Variants in FTO observed in about 807,000 individuals in gnomAD.
The protein encoded by FTO is alpha-ketoglutarate-dependent dioxygenase FTO.
In FTO, 47 loss-of-function variants were observed where a neutral mutation model predicts 63.9. The observed-to-expected ratio is 0.74, with a 90% CI of 0.58 to 0.94. The LOEUF is 0.94. Ranked by LOEUF, FTO falls within the 40% of genes least tolerant of loss-of-function variation. FTO has a pLI of 0.00. For synonymous variants in FTO, 207 were observed against 224.4 expected (o/e 0.92, Z 0.69); for missense variants, 562 against 618.1 (o/e 0.91, Z 0.96).
intron 8 of FTO, chr16:54,070,908 A>C (rs1221059272): frequency 1.3e-5 from 2 of 152,264 alleles, no homozygotes; most frequent in Non-Finnish European, 2.9e-5. Context: ...AATTCAGCCC[A>C]CACAACACAT....
At chr16:53,822,629 T>C (rs2078898674) in intron 2 of FTO, among the ~76,000 whole-genome samples, 1 of 152,238 alleles carries the variant, frequency 6.6e-6, no homozygotes, top group South Asian at 2.1e-4. Context: ...GTGCTGGTGG[T>C]AGTACTCATG....
chr16:54,055,329 G>A (rs776271481), intron 8 of FTO, among the ~76,000 whole-genome samples: 20 of 152,178 alleles, frequency 1.3e-4, no homozygotes, highest in Non-Finnish European at 2.9e-4. Flanking sequence ...ATGATTTAGT[G>A]AGCTGGTTTA....
chr16:54,050,003 C>T (rs940883332), intron 8 of FTO, among the ~76,000 whole-genome samples: 6 of 152,294 alleles, frequency 3.9e-5, no homozygotes, highest in Admixed American at 2.6e-4. Flanking sequence ...AGGATCCCGG[C>T]CCTTTTCACT....
At chr16:54,056,220 C>T (rs2085430032) in intron 8 of FTO, among the ~76,000 whole-genome samples, 1 of 152,298 alleles carries the variant, frequency 6.6e-6, no homozygotes, top group South Asian at 2.1e-4. Flanking sequence ...CCCACAGTCC[C>T]ACCACTGCTG....
At chr16:53,961,962 A>G (rs902566861) in intron 8 of FTO, among the ~76,000 whole-genome samples, 2 of 152,256 alleles carry the variant, frequency 1.3e-5, no homozygotes, top group African/African-American at 2.4e-5. Flanking sequence ...TTCAATGAGA[A>G]CCCATCAGAA....
intron 8 of FTO, among the ~76,000 whole-genome samples, chr16:54,037,820 T>TA (rs149048426): frequency 6.6e-6 from 1 of 152,230 alleles, no homozygotes; most frequent in African/African-American, 2.4e-5. Context: ...GTCATTATGT[T>TA]AAAAAATATG....
At chr16:53,895,571 C>T (rs1014315314) in intron 7 of FTO, among the ~76,000 whole-genome samples, 2 of 152,204 alleles carry the variant, frequency 1.3e-5, no homozygotes, top group Non-Finnish European at 2.9e-5. Flanking sequence ...CAGCCTACAG[C>T]TTTGTACTTA....
At chr16:53,904,839 A>G (rs1028193062) in intron 7 of FTO, among the ~76,000 whole-genome samples, 55 of 152,116 alleles carry the variant, frequency 3.6e-4, no homozygotes, top group African/African-American at 1.3e-3. Flanking sequence ...AGTCTTCATT[A>G]GGATCATTTA....
intron 8 of FTO, among the ~76,000 whole-genome samples, chr16:53,938,337 A>G (rs1167604542): frequency 6.6e-6 from 1 of 152,204 alleles, no homozygotes. Flanking sequence ...ATTGCCAACA[A>G]TGGATGGGGT....
intron 8 of FTO, among the ~76,000 whole-genome samples, chr16:54,081,938 G>A (rs986048723): frequency 6.6e-6 from 1 of 152,144 alleles, no homozygotes; most frequent in Non-Finnish European, 1.5e-5. Flanking sequence ...CGTTCAACAG[G>A]CATTTTAGTT....
At chr16:53,789,283 T>C (rs182692003) in intron 1 of FTO, among the ~76,000 whole-genome samples, 1 of 152,292 alleles carries the variant, frequency 6.6e-6, no homozygotes, top group Admixed American at 6.5e-5. Context: ...TTTTCCTCCT[T>C]ATGAGCTAGG....
At chr16:53,737,104 C>A (rs1832242024) in intron 1 of FTO, among the ~76,000 whole-genome samples, 2 of 152,176 alleles carry the variant, frequency 1.3e-5, no homozygotes, top group Non-Finnish European at 1.5e-5. Context: ...CCTGTTTCTG[C>A]AGAGCACAGT....
At chr16:54,028,202 G>T (rs2084756504) in intron 8 of FTO, among the ~76,000 whole-genome samples, 1 of 152,134 alleles carries the variant, frequency 6.6e-6, no homozygotes, top group African/African-American at 2.4e-5. Context: ...GTCGCTGCAG[G>T]CAGAGTGAAA....
chr16:53,737,960 T>C (rs926948275), intron 1 of FTO, among the ~76,000 whole-genome samples: 1 of 152,108 alleles, frequency 6.6e-6, no homozygotes, highest in Non-Finnish European at 1.5e-5. Context: ...TTCTTTCTTT[T>C]TTTTCTTTTT....
In FTO at chr16:54,118,950, A is replaced by G. The variant is rs1432007965; in HGVS notation, c.*7035A>G. On this transcript the variant is annotated 3_prime_UTR_variant, in exon 9 of 9. Coordinates refer to ENST00000471389, the MANE Select transcript of FTO (RefSeq NM_001080432.3). ...CAATTTAGTTTGGCTGGGTAATGGAAGAATTTCTACATACATTCATTACTT... is the reference window on the plus strand; with the variant it reads ...CAATTTAGTTTGGCTGGGTAATGGAGGAATTTCTACATACATTCATTACTT... 6.6e-6 allele frequency: 1 copy of G among 152,240 alleles called. No homozygotes were observed. Among genetic ancestry groups the G allele is most frequent in the Non-Finnish European group, 1.5e-5 (1 of 68,056 alleles). 9.4% of individuals were successfully genotyped at this position (152,240 alleles called of 1,614,324 possible). A position where few individuals can be genotyped will look rare whatever the true frequency, so the allele number is the denominator to read the frequency against.
chr16:54,013,981 G>A (rs1279921827), intron 8 of FTO, among the ~76,000 whole-genome samples: 4 of 152,140 alleles, frequency 2.6e-5, no homozygotes, highest in Non-Finnish European at 5.9e-5. Flanking sequence ...AAGTTGTAGA[G>A]GAACTCTGGT....
Position 53,948,897 on chromosome 16 carries a change from C to T in FTO, c.1364+14788C>T, listed in dbSNP as rs368310986. ...AGACCAGTACACAATCTGTGTATTG[C>T]CTCTGTGACCTTGTGACCTTGTAAC... is the stretch of plus-strand genomic sequence containing the variant. On this transcript the variant is annotated intron_variant, in intron 8 of 8. Transcript: ENST00000471389. 1.4e-4 allele frequency among the ~76,000 whole-genome samples: 22 copies of T among 152,320 alleles called. No individual in the cohort carries two copies. In the East Asian group the frequency reaches 4.1e-3, roughly 28 times the overall value.
At chr16:54,029,248 AG>A (rs750850778) in intron 8 of FTO, among the ~76,000 whole-genome samples, 2 of 152,202 alleles carry the variant, frequency 1.3e-5, no homozygotes, top group Non-Finnish European at 2.9e-5. Flanking sequence ...AATGAATGCT[AG>A]CCACACTGAG....
At chr16:53,748,391 A>G (rs1433037769) in intron 1 of FTO, among the ~76,000 whole-genome samples, 1 of 152,092 alleles carries the variant, frequency 6.6e-6, no homozygotes, top group Non-Finnish European at 1.5e-5. Flanking sequence ...TTGGTATTAA[A>G]TTTATTCCTA....
Sources: allele counts gnomAD v4.1 joint callset (sites outside exome capture counted in the v4.1 genomes callset), GRCh38; gene constraint gnomAD v4.1.1; transcripts MANE v1.5; gene names NCBI Gene and HGNC (gene_info 2026-07-23, HGNC 2026-07-21).